Variants in FBXL17 observed in about 807,000 individuals in gnomAD.
FBXL17 encodes the protein F-box/LRR-repeat protein 17.
A neutral mutation model predicts 66.2 loss-of-function variants in FBXL17; 22 were observed. That is an observed-to-expected ratio of 0.33 (90% CI 0.24 to 0.47). FBXL17 has a LOEUF of 0.47. FBXL17 is among the 20% of genes least tolerant of loss of function. FBXL17 has a pLI of 1.00. For missense variants in FBXL17, 878 were observed against 948.2 expected (o/e 0.93, Z 0.97); for synonymous variants, 474 against 400.5 (o/e 1.18, Z -2.19).
At chr5:108,031,337 T>TA (rs1383934734) in intron 6 of FBXL17, among the ~76,000 whole-genome samples, 2 of 151,750 alleles carry the variant, frequency 1.3e-5, no homozygotes, top group African/African-American at 4.8e-5. Context: ...GCAATGAGGG[T>TA]AAAAAATAGG....
chr5:108,107,939 G>A (rs964365200), intron 6 of FBXL17, among the ~76,000 whole-genome samples: 1 of 151,900 alleles, frequency 6.6e-6, no homozygotes, highest in African/African-American at 2.4e-5. Flanking sequence ...ACCTATTAAG[G>A]CCCAATATAA....
chr5:108,341,675 GA>G (rs1262053961), intron 4 of FBXL17, among the ~76,000 whole-genome samples: 2 of 152,024 alleles, frequency 1.3e-5, no homozygotes, highest in Non-Finnish European at 2.9e-5. Context: ...GCATGACACT[GA>G]AAAAAATTTA....
At chr5:107,977,707 G>A (rs987731265) in intron 7 of FBXL17, among the ~76,000 whole-genome samples, 3 of 152,182 alleles carry the variant, frequency 2.0e-5, no homozygotes, top group African/African-American at 7.2e-5. Context: ...CATACATAAT[G>A]TACACTTCTC....
At chr5:108,266,135 A>T (rs79030710) in intron 4 of FBXL17, among the ~76,000 whole-genome samples, 4,831 of 152,170 alleles carry the variant, frequency 0.032, 96 homozygotes, top group Non-Finnish European at 0.043. Context: ...AATAGCCAGA[A>T]TTTGCTGGAA....
At chr5:108,039,853 C>G (rs1415329715) in intron 6 of FBXL17, among the ~76,000 whole-genome samples, 1 of 152,006 alleles carries the variant, frequency 6.6e-6, no homozygotes, top group Admixed American at 6.6e-5. Context: ...AACAAAGCAG[C>G]AAATCAGAAT....
intron 7 of FBXL17, among the ~76,000 whole-genome samples, chr5:107,928,674 G>C (rs1164947196): frequency 6.6e-6 from 1 of 152,064 alleles, no homozygotes; most frequent in African/African-American, 2.4e-5. Flanking sequence ...TGATGAGAAA[G>C]AGGTAGTGGT....
At chr5:107,873,471 C>G (rs950762117) in intron 8 of FBXL17, among the ~76,000 whole-genome samples, 5 of 152,176 alleles carry the variant, frequency 3.3e-5, no homozygotes, top group African/African-American at 1.2e-4. Context: ...TAGTTTTTCT[C>G]TGAAAAATTC....
At chr5:108,334,905 C>T (rs916468986) in intron 4 of FBXL17, among the ~76,000 whole-genome samples, 3 of 152,242 alleles carry the variant, frequency 2.0e-5, no homozygotes, top group African/African-American at 7.2e-5. Context: ...TGGGTACTGC[C>T]ATTCACTGTC....
intron 6 of FBXL17, among the ~76,000 whole-genome samples, chr5:108,094,003 G>C (rs1030775533): frequency 6.6e-6 from 1 of 152,096 alleles, no homozygotes; most frequent in Non-Finnish European, 1.5e-5. Context: ...TTGATCACTT[G>C]ATGTTCTAAA....
chr5:107,986,233 C>T (rs1205970075), intron 7 of FBXL17, among the ~76,000 whole-genome samples: 1 of 151,764 alleles, frequency 6.6e-6, no homozygotes, highest in Non-Finnish European at 1.5e-5. Context: ...TACTTCTTGC[C>T]TTCTTATGCC....
intron 7 of FBXL17, among the ~76,000 whole-genome samples, chr5:107,910,367 G>A (rs1749908627): frequency 6.6e-6 from 1 of 152,054 alleles, no homozygotes; most frequent in South Asian, 2.1e-4. Flanking sequence ...AAGACTAATT[G>A]TTTTGGTCTT....
chr5:108,306,409 G>C (rs1358536986), intron 4 of FBXL17, among the ~76,000 whole-genome samples: 1 of 152,034 alleles, frequency 6.6e-6, no homozygotes, highest in Non-Finnish European at 1.5e-5. Context: ...TAGTAGTTAA[G>C]AATATGAATT....
intron 4 of FBXL17, among the ~76,000 whole-genome samples, chr5:108,325,990 G>A (rs1759829846): frequency 6.6e-6 from 1 of 152,144 alleles, no homozygotes; most frequent in Admixed American, 6.6e-5. Context: ...GACATAGAAA[G>A]GAACAAGGAA....
At chr5:108,342,065 C>G (rs963726185) in intron 4 of FBXL17, among the ~76,000 whole-genome samples, 1 of 152,080 alleles carries the variant, frequency 6.6e-6, no homozygotes, top group Non-Finnish European at 1.5e-5. Flanking sequence ...TCTTCGACAC[C>G]TCTCACAGTG....
intron 1 of FBXL17, among the ~76,000 whole-genome samples, chr5:108,374,138 A>G (rs779553307): frequency 1.8e-4 from 28 of 152,216 alleles, no homozygotes; most frequent in Middle Eastern, 3.2e-3. Context: ...TCAATAATGG[A>G]TAGAACAACC....
At chr5:108,328,368 T>C (rs1759959308) in intron 4 of FBXL17, among the ~76,000 whole-genome samples, 4 of 151,944 alleles carry the variant, frequency 2.6e-5, no homozygotes, top group Admixed American at 6.6e-5. Context: ...TGAAGAGAAG[T>C]ATGTAGAAAG....
chr5:108,336,127 GA>G (rs879793881), intron 4 of FBXL17, among the ~76,000 whole-genome samples: 4 of 151,724 alleles, frequency 2.6e-5, no homozygotes, highest in South Asian at 2.1e-4. Flanking sequence ...ACATATTAAA[GA>G]AAAAAATATA....
intron 4 of FBXL17, among the ~76,000 whole-genome samples, chr5:108,325,999 A>C (rs866060063): frequency 2.6e-5 from 4 of 152,188 alleles, no homozygotes; most frequent in Non-Finnish European, 5.9e-5. Context: ...AGGAACAAGG[A>C]AGATAATCTC....
chr5:108,316,747 C>G (rs1388503511), intron 4 of FBXL17, among the ~76,000 whole-genome samples: 1 of 150,834 alleles, frequency 6.6e-6, no homozygotes, highest in South Asian at 2.1e-4. Flanking sequence ...AACCAGATAA[C>G]AGCATACTAA....
Sources: allele counts gnomAD v4.1 joint callset (sites outside exome capture counted in the v4.1 genomes callset), GRCh38; gene constraint gnomAD v4.1.1; transcripts MANE v1.5; gene names NCBI Gene and HGNC (gene_info 2026-07-23, HGNC 2026-07-21).